The following LYPLAL1 variants were observed in gnomAD, a reference collection of about 807,000 sequenced individuals.
LYPLAL1 encodes the protein lysophospholipase like 1, also known as lysophospholipase-like protein 1.
A neutral mutation model predicts 19.7 loss-of-function variants in LYPLAL1; 23 were observed. The observed-to-expected ratio is 1.17, with a 90% CI of 0.84 to 1.65. LYPLAL1 has a LOEUF of 1.65. Ranked by LOEUF, LYPLAL1 falls within the 40% of genes most tolerant of loss-of-function variation. LYPLAL1 has a pLI of 0.00. For missense variants in LYPLAL1, 355 were observed against 279.4 expected (o/e 1.27, Z -1.93); for synonymous variants, 119 against 96.3 (o/e 1.24, Z -1.38).
the LYPLAL1 span, among the ~76,000 whole-genome samples, chr1:219,364,596 A>G: frequency 6.6e-6 from 1 of 152,158 alleles, no homozygotes; most frequent in Non-Finnish European, 1.5e-5. Flanking sequence ...GTTTTCCATT[A>G]ATAGAATGCA....
chr1:219,175,302 G>C (rs1344370512), intron 1 of LYPLAL1, among the ~76,000 whole-genome samples: 1 of 152,124 alleles, frequency 6.6e-6, no homozygotes, highest in African/African-American at 2.4e-5. Flanking sequence ...GTCCAATAGT[G>C]TTTAAAGGGA....
At chr1:219,289,078 G>GTGTT in the LYPLAL1 span, among the ~76,000 whole-genome samples, 2 of 114,920 alleles carry the variant, frequency 1.7e-5, no homozygotes, top group Non-Finnish European at 3.6e-5. Context: ...CTCTTGTTTT[G>GTGTT]TTTTTTTTGT....
At chr1:219,258,238 C>T in the LYPLAL1 span, among the ~76,000 whole-genome samples, 27 of 152,140 alleles carry the variant, frequency 1.8e-4, no homozygotes, top group African/African-American at 5.5e-4. Flanking sequence ...TCAATTTGTA[C>T]AGTTAATGCA....
At chr1:219,412,747 T>A in the LYPLAL1 span, among the ~76,000 whole-genome samples, 6 of 152,196 alleles carry the variant, frequency 3.9e-5, no homozygotes, top group Non-Finnish European at 8.8e-5. Flanking sequence ...GAAGTGTCCT[T>A]TGGGAGCCTG....
chr1:219,382,309 A>G, the LYPLAL1 span, among the ~76,000 whole-genome samples: 1 of 152,220 alleles, frequency 6.6e-6, no homozygotes, highest in Non-Finnish European at 1.5e-5. Context: ...ACTCATGGTG[A>G]AGAAAAGCTT....
At chr1:219,408,650 T>A in the LYPLAL1 span, among the ~76,000 whole-genome samples, 1 of 151,938 alleles carries the variant, frequency 6.6e-6, no homozygotes, top group Non-Finnish European at 1.5e-5. Context: ...GAGATAACTT[T>A]CCAGGAGGGT....
chr1:219,410,588 G>A, the LYPLAL1 span, among the ~76,000 whole-genome samples: 2 of 152,256 alleles, frequency 1.3e-5, no homozygotes, highest in Admixed American at 1.3e-4. Flanking sequence ...TGCACTGTGG[G>A]AACCCCTTTC....
the LYPLAL1 span, among the ~76,000 whole-genome samples, chr1:219,317,132 G>A: frequency 6.6e-6 from 1 of 152,066 alleles, no homozygotes; most frequent in African/African-American, 2.4e-5. Context: ...TTATAAACTT[G>A]CCCTTTTCAA....
At chr1:219,224,052 T>A in the LYPLAL1 span, among the ~76,000 whole-genome samples, 1 of 152,312 alleles carries the variant, frequency 6.6e-6, no homozygotes, top group South Asian at 2.1e-4. Flanking sequence ...CTTAACATAT[T>A]AATTTTGGCA....
At chr1:219,247,047 T>A in the LYPLAL1 span, among the ~76,000 whole-genome samples, 1 of 152,152 alleles carries the variant, frequency 6.6e-6, no homozygotes, top group Non-Finnish European at 1.5e-5. Flanking sequence ...GAGGATAATA[T>A]CTCTCTGGCA....
the LYPLAL1 span, among the ~76,000 whole-genome samples, chr1:219,290,826 C>A: frequency 2.0e-5 from 3 of 152,188 alleles, no homozygotes; most frequent in Admixed American, 6.5e-5. Flanking sequence ...AATGCACTAT[C>A]TTTATATTCT....
the LYPLAL1 span, chr1:219,271,323 T>A: frequency 2.6e-5 from 4 of 151,808 alleles, no homozygotes; most frequent in African/African-American, 9.7e-5. Flanking sequence ...TAGCTTGTGC[T>A]AATCCCCACA....
chr1:219,344,009 G>C, the LYPLAL1 span, among the ~76,000 whole-genome samples: 1 of 151,954 alleles, frequency 6.6e-6, no homozygotes, highest in East Asian at 1.9e-4. Flanking sequence ...AAATTCTGTA[G>C]CAACTTGAAT....
At chr1:219,432,891 G>C in the LYPLAL1 span, among the ~76,000 whole-genome samples, 1 of 152,194 alleles carries the variant, frequency 6.6e-6, no homozygotes, top group African/African-American at 2.4e-5. Flanking sequence ...TCCGGTAAGA[G>C]AGAATACTCA....
chr1:219,360,441 G>A, the LYPLAL1 span, among the ~76,000 whole-genome samples: 2 of 152,172 alleles, frequency 1.3e-5, no homozygotes, highest in Non-Finnish European at 2.9e-5. Flanking sequence ...CATCGGAGTA[G>A]TCATTTGACA....
chr1:219,424,971 T>C, the LYPLAL1 span, among the ~76,000 whole-genome samples: 1 of 152,218 alleles, frequency 6.6e-6, no homozygotes, highest in Admixed American at 6.5e-5. Flanking sequence ...ATCCGTACAG[T>C]AATTGTTACT....
chr1:219,363,756 A>G, the LYPLAL1 span, among the ~76,000 whole-genome samples: 5 of 152,170 alleles, frequency 3.3e-5, no homozygotes, highest in African/African-American at 9.7e-5. Flanking sequence ...GCAGACTCTG[A>G]TGGTTGGCAA....
At chr1:219,388,281 A>C in the LYPLAL1 span, among the ~76,000 whole-genome samples, 1 of 152,170 alleles carries the variant, frequency 6.6e-6, no homozygotes, top group African/African-American at 2.4e-5. Context: ...ACTATTAAAA[A>C]TACAGACTTT....
intron 2 of LYPLAL1, among the ~76,000 whole-genome samples, chr1:219,185,797 A>G (rs1045662828): frequency 1.3e-5 from 2 of 151,948 alleles, no homozygotes; most frequent in Non-Finnish European, 2.9e-5. Context: ...GTGAGACCTC[A>G]CCATGTAGTA....
Sources: allele counts gnomAD v4.1 joint callset (sites outside exome capture counted in the v4.1 genomes callset), GRCh38; gene constraint gnomAD v4.1.1; transcripts MANE v1.5; gene names NCBI Gene and HGNC (gene_info 2026-07-23, HGNC 2026-07-21).